The following ALG9 variants were observed in gnomAD, a reference collection of about 807,000 sequenced individuals.
ALG9 encodes alpha-1,2-mannosyltransferase ALG9.
A neutral mutation model predicts 81.8 loss-of-function variants in ALG9; 55 were observed. The observed-to-expected ratio is 0.67, with a 90% CI of 0.54 to 0.84. The LOEUF (loss-of-function observed/expected upper bound fraction) is 0.84, where lower values mean the gene tolerates loss of function less well. ALG9 is among the 40% of genes least tolerant of loss of function. The pLI, the probability that ALG9 is intolerant of heterozygous loss-of-function variation, is 0.00. For synonymous variants in ALG9, 278 were observed against 274.3 expected (o/e 1.01, Z -0.13); for missense variants, 629 against 745.0 (o/e 0.84, Z 1.81).
Position 111,786,612 on chromosome 11 carries a change from A to C in ALG9, c.1734-92T>G. 3 of 1,359,298 alleles carry C rather than the reference A, an allele frequency of 2.2e-6. No individual in the cohort carries two copies. The South Asian group carries it at 3.7e-5, about 17-fold the overall frequency. 84.2% of individuals were successfully genotyped at this position (1,359,298 alleles called of 1,614,324 possible). On this transcript the variant is annotated intron_variant, in intron 14 of 14. Coordinates refer to ENST00000616540, the MANE Select transcript of ALG9 (RefSeq NM_024740.2). ...GATTAAAATAAATAAACTAATCTGT[A>C]GTAAGGATTATATTTTATTCAAGTG...
In ALG9 at chr11:111,838,398, T is replaced by G. The variant is rs1411293946; in HGVS notation, c.1175A>C (p.His392Pro). ...CGAVALSALQ[H>P]SFLYFQKCYH... ...ACATTTCTGGAAGTACAGAAAACTG[T>G]GCTGATAAAAGAAAATATAATTTGT... Residue 392 changes from histidine (H) to proline (P), a missense_variant and splice_region_variant, in exon 11 of 15, where the codon CAC (histidine) becomes CCC (proline). Transcript: ENST00000616540. 6.2e-7 allele frequency: 1 copy of G among 1,609,590 alleles called. No individual in the cohort carries two copies. Among genetic ancestry groups the G allele is most frequent in the Non-Finnish European group, 8.5e-7 (1 of 1,176,058 alleles).
intron 8 of ALG9, among the ~76,000 whole-genome samples, chr11:111,845,723 T>G (rs1956854688): frequency 6.6e-6 from 1 of 152,240 alleles, no homozygotes; most frequent in Non-Finnish European, 1.5e-5. Flanking sequence ...CTGTGTGTTG[T>G]GACACCCGCC....
At chr11:111,864,389 G>A (rs533405295) in intron 4 of ALG9, 4 of 765,278 alleles carry the variant, frequency 5.2e-6, no homozygotes, top group African/African-American at 5.1e-5. Flanking sequence ...TGTTCAACAT[G>A]ACCCTCTGCT....
chr11:111,850,192 C>T (rs918279393), intron 8 of ALG9, among the ~76,000 whole-genome samples: 26 of 152,262 alleles, frequency 1.7e-4, no homozygotes, highest in African/African-American at 6.3e-4. Flanking sequence ...ACGAAAATCT[C>T]AAGCTAGCAC....
At chr11:111,789,819 CAA>C (rs573026506) in intron 14 of ALG9, among the ~76,000 whole-genome samples, 2 of 113,120 alleles carry the variant, frequency 1.8e-5, no homozygotes, top group Non-Finnish European at 1.9e-5. Flanking sequence ...GACTCTGTCT[CAA>C]AAAAAAAAAA....
At chr11:111,796,767 T>G (rs1555075636) in intron 14 of ALG9, among the ~76,000 whole-genome samples, 1 of 152,204 alleles carries the variant, frequency 6.6e-6, no homozygotes, top group Non-Finnish European at 1.5e-5. Context: ...CTCTTCTTCC[T>G]GTTTCTCAGT....
At chr11:111,774,069 T>TAAAA in the ALG9 span, among the ~76,000 whole-genome samples, 9 of 69,706 alleles carry the variant, frequency 1.3e-4, no homozygotes, top group Admixed American at 1.9e-4. Flanking sequence ...CATATCTTAT[T>TAAAA]AAAAAAAAAA....
At chr11:111,848,225 TAGG>T in intron 8 of ALG9, among the ~76,000 whole-genome samples, 1 of 152,340 alleles carries the variant, frequency 6.6e-6, no homozygotes, top group Middle Eastern at 3.4e-3. Context: ...TGACACACAG[TAGG>T]CATTCAATAA....
At chr11:111,825,481 G>A (rs1351904689) in intron 13 of ALG9, among the ~76,000 whole-genome samples, 1 of 152,186 alleles carries the variant, frequency 6.6e-6, no homozygotes, top group Non-Finnish European at 1.5e-5. Flanking sequence ...AATATTCAAT[G>A]TTATTTCATA....
At chr11:111,870,464 G>A in intron 1 of ALG9, 94 bp from the exon 2 acceptor site, 2 of 1,419,874 alleles carry the variant, frequency 1.4e-6, no homozygotes, top group East Asian at 2.7e-5. Flanking sequence ...GGACAAAAAG[G>A]GCAAGGGACA....
intron 14 of ALG9, among the ~76,000 whole-genome samples, chr11:111,800,191 T>G (rs770568988): frequency 6.6e-6 from 1 of 152,120 alleles, no homozygotes; most frequent in Non-Finnish European, 1.5e-5. Context: ...TTAAAGAATC[T>G]AACTCTAGGC....
In ALG9 at chr11:111,783,382, C is replaced by G. The variant is rs548536674; in HGVS notation, c.*3015G>C. The G allele has an allele frequency of 9.8e-5, 15 of 152,292 alleles. No homozygotes were observed. The highest frequency in any genetic ancestry group is 5.2e-4 in the Admixed American group (8 of 15,248). 9.4% of individuals were successfully genotyped at this position (152,292 alleles called of 1,614,324 possible). A position where few individuals can be genotyped will look rare whatever the true frequency, so the allele number is the denominator to read the frequency against. ...CTGAAGCAGGAGAATTGCTTGAACC[C>G]GGGAGACAGAGGTTGCAGTGAGCTG... is the stretch of plus-strand genomic sequence containing the variant. On this transcript the variant is annotated 3_prime_UTR_variant, in exon 15 of 15. Transcript: ENST00000616540.
intron 5 of ALG9, among the ~76,000 whole-genome samples, chr11:111,858,903 G>A (rs1394322961): frequency 6.6e-6 from 1 of 152,152 alleles, no homozygotes; most frequent in Non-Finnish European, 1.5e-5. Context: ...TACATATAAA[G>A]ATCAATTGTA....
Position 111,794,785 on chromosome 11 carries a change from C to T in ALG9, c.1734-8265G>A, listed in dbSNP as rs562498372. Among the ~76,000 whole-genome samples, 14 of 152,304 alleles carry T rather than the reference C, an allele frequency of 9.2e-5. 1 individual carries two copies. In the East Asian group the frequency reaches 2.1e-3, roughly 23 times the overall value. ...AGCTTTTTCAAGCTAGTTTCTTTCTCTCTTGCATTGTAGCTCACCTTTCAG... is the reference window on the plus strand; with the variant it reads ...AGCTTTTTCAAGCTAGTTTCTTTCTTTCTTGCATTGTAGCTCACCTTTCAG... On this transcript the variant is annotated intron_variant, in intron 14 of 14. Transcript: ENST00000616540.
chr11:111,870,289 A>T lies in ALG9; in HGVS notation c.213T>A (p.Cys71Ter). The part of the protein sequence containing the change: ...AFKCLLSARL[C>*]AALLSNISDC... Reference sequence around the variant, plus strand: ...CAGAGATGTTGCTCAGGAGAGCAGCACATAACCTTGCTGAAAGCAGACACT... The same window carrying T: ...CAGAGATGTTGCTCAGGAGAGCAGCTCATAACCTTGCTGAAAGCAGACACT... Residue 71 changes from cysteine to a stop codon, truncating the protein, a stop_gained, in exon 2 of 15, where the codon TGT (cysteine) becomes TGA (stop). Transcript: ENST00000616540. LOFTEE classifies it high-confidence loss of function. 1 of 1,612,578 alleles carries T rather than the reference A, an allele frequency of 6.2e-7. No individual in the cohort carries two copies. The highest frequency in any genetic ancestry group is 8.5e-7 in the Non-Finnish European group (1 of 1,179,552).
chr11:111,865,660 ACAAC>A (rs1566258831), intron 3 of ALG9, among the ~76,000 whole-genome samples: 1 of 152,278 alleles, frequency 6.6e-6, no homozygotes, highest in Non-Finnish European at 1.5e-5. Flanking sequence ...CAATTCTTCA[ACAAC>A]CATAATATAT....
the ALG9 span, among the ~76,000 whole-genome samples, chr11:111,773,948 G>T: frequency 6.7e-6 from 1 of 150,144 alleles, no homozygotes; most frequent in Non-Finnish European, 1.5e-5. Flanking sequence ...GTAGAGACAG[G>T]GTTTGGCCAC....
At chr11:111,865,118 A>G in intron 4 of ALG9, 63 bp downstream of exon 4, 1 of 1,285,392 alleles carries the variant, frequency 7.8e-7, no homozygotes, top group East Asian at 2.6e-5. Flanking sequence ...CTATCACAAC[A>G]GATAATCTAT....
chr11:111,851,477 C>CAA (rs11343980), intron 8 of ALG9, among the ~76,000 whole-genome samples: 72 of 104,960 alleles, frequency 6.9e-4, no homozygotes, highest in African/African-American at 2.2e-3. Context: ...AACTCCATCT[C>CAA]AAAAAAAAAA....
Sources: gnomAD v4.1 joint callset for allele counts (sites outside exome capture counted in the v4.1 genomes callset) on GRCh38, gnomAD v4.1.1 for gene constraint, MANE v1.5 for transcripts, NCBI Gene and HGNC (gene_info 2026-07-23, HGNC 2026-07-21) for gene names.